Variants in GPAM observed in about 807,000 individuals in gnomAD.
GPAM encodes the protein glycerol-3-phosphate acyltransferase, mitochondrial, also known as glycerol-3-phosphate acyltransferase 1, mitochondrial.
Under a neutral mutation model 105.0 loss-of-function variants are expected in GPAM, and 56 were observed. That is an observed-to-expected ratio of 0.53 (90% CI 0.43 to 0.67). The LOEUF (loss-of-function observed/expected upper bound fraction) is 0.67, where lower values mean the gene tolerates loss of function less well. Ranked by LOEUF, GPAM falls within the 30% of genes least tolerant of loss-of-function variation. The probability of loss-of-function intolerance (pLI) is 0.00; values close to 1 mark genes in which losing one functional copy is unlikely to be tolerated. For synonymous variants in GPAM, 368 were observed against 354.4 expected, an observed-to-expected ratio of 1.04 and a Z score of -0.43; for missense variants, 855 against 989.8, an observed-to-expected ratio of 0.86 and a Z score of 1.83.
At chr10:112,204,448 T>C (rs1472332522) in intron 1 of GPAM, among the ~76,000 whole-genome samples, 7 of 151,646 alleles carry the variant, frequency 4.6e-5, no homozygotes, top group African/African-American at 1.7e-4. Context: ...GTTGTAAAGA[T>C]AGAGCAACAC....
chr10:112,151,448 T>G lies in GPAM; in HGVS notation c.*2102A>C. 1 of 985,792 alleles carries G rather than the reference T, an allele frequency of 1.0e-6. No individual in the cohort carries two copies. The allele number at this position is 985,792 out of a possible 1,614,324, so 61.1% of individuals were successfully genotyped here. A position where few individuals can be genotyped will look rare whatever the true frequency, so the allele number is the denominator to read the frequency against. ...AGATTTTTCTCCCTTAAAAAAGATT[T>G]TCAAAGCACCAGTTAATTACAAAAA... On this transcript the variant is annotated 3_prime_UTR_variant, in exon 22 of 22. Coordinates refer to ENST00000348367, the MANE Select transcript of GPAM (RefSeq NM_001244949.2).
chr10:112,166,545 G>T (rs1220665815), intron 11 of GPAM, 30 bp from the exon 12 acceptor site: 4 of 1,213,868 alleles, frequency 3.3e-6, no homozygotes, highest in East Asian at 4.6e-5. Context: ...ATAACATGGT[G>T]AGAAATAAAG....
intron 4 of GPAM, among the ~76,000 whole-genome samples, chr10:112,179,493 G>A (rs1320095531): frequency 6.6e-6 from 1 of 152,158 alleles, no homozygotes; most frequent in Non-Finnish European, 1.5e-5. Context: ...CTTGCAACAA[G>A]GTAGTTGTGG....
At chr10:112,225,106 G>A in the GPAM span, among the ~76,000 whole-genome samples, 2 of 152,172 alleles carry the variant, frequency 1.3e-5, no homozygotes, top group African/African-American at 4.8e-5. Flanking sequence ...GGCCCCAGGG[G>A]TCTCCGCCAG....
intron 11 of GPAM, 42 bp downstream of exon 11, chr10:112,168,270 A>G (rs2133246147): frequency 1.8e-6 from 2 of 1,123,400 alleles, no homozygotes; most frequent in South Asian, 2.5e-5. Flanking sequence ...TAAATCTAAA[A>G]GACTTGATAA....
At chr10:112,188,141 A>G (rs1475192624), upstream of GPAM, among the ~76,000 whole-genome samples, 1 of 152,182 alleles carries the variant, frequency 6.6e-6, no homozygotes, top group Non-Finnish European at 1.5e-5. Flanking sequence ...AGTATAAATT[A>G]AACCCAAAAT....
At chr10:112,218,755 G>A (rs1346949755), upstream of GPAM, among the ~76,000 whole-genome samples, 1 of 152,190 alleles carries the variant, frequency 6.6e-6, no homozygotes, top group Non-Finnish European at 1.5e-5. Context: ...AGGAGTTCCC[G>A]GAATTGAGGT....
At chr10:112,161,478 G>C (rs1486102471) in intron 15 of GPAM, among the ~76,000 whole-genome samples, 189 bp downstream of exon 15, 1 of 152,168 alleles carries the variant, frequency 6.6e-6, no homozygotes, top group African/African-American at 2.4e-5. Flanking sequence ...GTTTTGTTTT[G>C]TTTTTAAATG....
intron 20 of GPAM, chr10:112,155,211 TG>T (rs1452193030): frequency 5.8e-6 from 1 of 172,380 alleles, no homozygotes; most frequent in Non-Finnish European, 1.2e-5. Flanking sequence ...AGATTCCTTT[TG>T]GCTCTAAAAA....
intron 1 of GPAM, among the ~76,000 whole-genome samples, chr10:112,201,616 A>G (rs1481377575): frequency 1.3e-5 from 2 of 152,098 alleles, no homozygotes; most frequent in Admixed American, 6.5e-5. Flanking sequence ...TGGCTGATTC[A>G]TTATTATTTT....
At chr10:112,170,882 A>C (rs1387025164) in intron 9 of GPAM, among the ~76,000 whole-genome samples, 1 of 152,174 alleles carries the variant, frequency 6.6e-6, no homozygotes, top group Non-Finnish European at 1.5e-5. Context: ...GCTTCTCTTC[A>C]GTTGGGTCAC....
rs1393599961 is a variant in GPAM at position 112,152,128 on chromosome 10, A to C, written c.*1422T>G. The C allele has an allele frequency of 1.0e-5, 10 of 973,994 alleles. No homozygotes were observed. In the East Asian group the frequency reaches 1.0e-3, roughly 100 times the overall value. 60.3% of individuals were successfully genotyped at this position (973,994 alleles called of 1,614,324 possible). ...TCCAAGCTTATGGAAGTACAAACTT[A>C]ATTCTCAGTACTTTTATACTAAATT... is the stretch of plus-strand genomic sequence containing the variant. On this transcript the variant is annotated 3_prime_UTR_variant, in exon 22 of 22. Transcript: ENST00000348367.
At chr10:112,216,975 A>T (rs538282478), upstream of GPAM, among the ~76,000 whole-genome samples, 29 of 152,168 alleles carry the variant, frequency 1.9e-4, no homozygotes, top group South Asian at 4.1e-4. Context: ...TTAAAAAAAA[A>T]AAATTGATAT....
At chr10:112,166,582 TCCAC>T in intron 11 of GPAM, 67 bp from the exon 12 acceptor site, 1 of 874,262 alleles carries the variant, frequency 1.1e-6, no homozygotes, top group East Asian at 2.4e-5. Context: ...CATTCTATTA[TCCAC>T]AGAATAACTT....
intron 1 of GPAM, among the ~76,000 whole-genome samples, chr10:112,197,446 T>TC (rs1165954643): frequency 3.3e-5 from 5 of 151,520 alleles, no homozygotes; most frequent in African/African-American, 9.7e-5. Context: ...GGCATTCTTT[T>TC]TTTTTTTTTT....
At chr10:112,165,124 C>T (rs567946774) in intron 12 of GPAM, among the ~76,000 whole-genome samples, 1 of 152,274 alleles carries the variant, frequency 6.6e-6, no homozygotes, top group South Asian at 2.1e-4. Flanking sequence ...CAAGCATCTA[C>T]CACAGCAGCT....
At chr10:112,162,679 A>G (rs562020008) in intron 14 of GPAM, among the ~76,000 whole-genome samples, 1 of 152,294 alleles carries the variant, frequency 6.6e-6, no homozygotes, top group African/African-American at 2.4e-5. Context: ...ATATTTATAA[A>G]GAATTTTTAA....
chr10:112,219,503 C>A (rs1230023258), upstream of GPAM, among the ~76,000 whole-genome samples: 1 of 152,204 alleles, frequency 6.6e-6, no homozygotes, highest in African/African-American at 2.4e-5. Context: ...CTTTTATTTT[C>A]ATTACTTACA....
At chr10:112,178,275 C>CA (rs1847443136) in intron 4 of GPAM, among the ~76,000 whole-genome samples, 1 of 152,120 alleles carries the variant, frequency 6.6e-6, no homozygotes, top group African/African-American at 2.4e-5. Context: ...ACTAGCCAGG[C>CA]GCAGTGGCTC....
Sources: gnomAD v4.1 joint callset for allele counts (sites outside exome capture counted in the v4.1 genomes callset) on GRCh38, gnomAD v4.1.1 for gene constraint, MANE v1.5 for transcripts, NCBI Gene and HGNC (gene_info 2026-07-23, HGNC 2026-07-21) for gene names.